The following SCARA5 variants were observed in gnomAD, a reference collection of about 807,000 sequenced individuals.
The protein encoded by SCARA5 is scavenger receptor class A, member 5 (putative).
Under a neutral mutation model 46.3 loss-of-function variants are expected in SCARA5, and 45 were observed. The observed-to-expected ratio is 0.97, with a 90% CI of 0.76 to 1.24. The LOEUF (loss-of-function observed/expected upper bound fraction) is 1.24, where lower values mean the gene tolerates loss of function less well. SCARA5 is among the 50% of genes most tolerant of loss of function. The pLI, the probability that SCARA5 is intolerant of heterozygous loss-of-function variation, is 0.00. For synonymous variants in SCARA5, 333 were observed against 306.5 expected (o/e 1.09, Z -0.90); for missense variants, 680 against 689.0 (o/e 0.99, Z 0.15).
chr8:27,885,763 G>A (rs972720790), intron 7 of SCARA5, among the ~76,000 whole-genome samples: 6 of 152,150 alleles, frequency 3.9e-5, no homozygotes, highest in South Asian at 2.1e-4. Flanking sequence ...TACAATGACC[G>A]TACATCTCAA....
At chr8:27,889,563 C>A (rs948638605) in intron 7 of SCARA5, among the ~76,000 whole-genome samples, 5 of 152,196 alleles carry the variant, frequency 3.3e-5, no homozygotes, top group African/African-American at 7.2e-5. Flanking sequence ...CCTTTCTTTC[C>A]CAGAATCCTT....
intron 3 of SCARA5, among the ~76,000 whole-genome samples, chr8:27,924,964 A>G (rs933427494): frequency 1.3e-5 from 2 of 152,216 alleles, no homozygotes; most frequent in Admixed American, 6.5e-5. Context: ...AGAACTGCAA[A>G]CCACTGCTCA....
At chr8:27,975,159 G>A (rs1184251801) in intron 2 of SCARA5, among the ~76,000 whole-genome samples, 2 of 152,104 alleles carry the variant, frequency 1.3e-5, no homozygotes, top group African/African-American at 2.4e-5. Context: ...AATCAATCAT[G>A]CCTACATAAT....
chr8:27,890,419 A>T (rs1806962861), intron 7 of SCARA5, among the ~76,000 whole-genome samples: 1 of 152,224 alleles, frequency 6.6e-6, no homozygotes, highest in African/African-American at 2.4e-5. Flanking sequence ...AAGCACATAT[A>T]CTATTTTCCC....
intron 3 of SCARA5, among the ~76,000 whole-genome samples, chr8:27,958,538 G>T (rs182541369): frequency 2.6e-5 from 4 of 152,216 alleles, no homozygotes; most frequent in Non-Finnish European, 5.9e-5. Flanking sequence ...ATGTCCTCTC[G>T]GGAACTGCAC....
At chr8:27,924,211 G>A (rs1209352704) in intron 3 of SCARA5, among the ~76,000 whole-genome samples, 2 of 152,166 alleles carry the variant, frequency 1.3e-5, no homozygotes, top group African/African-American at 4.8e-5. Flanking sequence ...GGTAGGAGGT[G>A]GGGGCAGATG....
intron 2 of SCARA5, among the ~76,000 whole-genome samples, chr8:27,972,535 T>C (rs964519809): frequency 4.6e-5 from 7 of 152,160 alleles, no homozygotes; most frequent in Non-Finnish European, 8.8e-5. Context: ...AAATTTCATT[T>C]ATAGAGAAGA....
intron 7 of SCARA5, among the ~76,000 whole-genome samples, chr8:27,888,022 CT>C (rs902797849): frequency 2.0e-5 from 3 of 152,060 alleles, no homozygotes; most frequent in Non-Finnish European, 4.4e-5. Flanking sequence ...GCATATAGAC[CT>C]CAAATGAGGG....
intron 3 of SCARA5, among the ~76,000 whole-genome samples, chr8:27,932,285 A>G (rs1439234280): frequency 6.6e-6 from 1 of 152,128 alleles, no homozygotes; most frequent in Non-Finnish European, 1.5e-5. Flanking sequence ...CAGCCTGAGA[A>G]CCTTGCATTT....
intron 3 of SCARA5, among the ~76,000 whole-genome samples, chr8:27,945,423 T>C: frequency 6.6e-6 from 1 of 152,346 alleles, no homozygotes; most frequent in Admixed American, 6.5e-5. Context: ...TCCATATTAA[T>C]TGACCAGGTC....
intron 3 of SCARA5, among the ~76,000 whole-genome samples, chr8:27,942,808 T>C (rs1211890479): frequency 6.6e-6 from 1 of 152,228 alleles, no homozygotes; most frequent in East Asian, 1.9e-4. Flanking sequence ...TGCTTCTTAA[T>C]GCTGAAGCCT....
intron 3 of SCARA5, among the ~76,000 whole-genome samples, chr8:27,953,455 A>C (rs888517942): frequency 6.6e-6 from 1 of 152,242 alleles, no homozygotes; most frequent in Non-Finnish European, 1.5e-5. Flanking sequence ...GATTCAGTTT[A>C]AACAATGATG....
chr8:27,899,281 G>A (rs1807113205), intron 7 of SCARA5, among the ~76,000 whole-genome samples: 1 of 152,198 alleles, frequency 6.6e-6, no homozygotes, highest in South Asian at 2.1e-4. Context: ...CTGGGGTTGG[G>A]GCATTGGTCA....
rs778068224 is a variant in SCARA5 at position 27,904,794 on chromosome 8, G to A, written c.1137C>T (p.Asp379=). ...GPKGEKGEKG[D]RAGDASGVEA... is the part of the protein sequence containing the mutation. ...TGTCCTTACTGGCATCCCCAGCTCT[G>A]TCTCCTTTCTCTCCTTTCTCTCCTT... Residue 379 remains aspartate (D), a synonymous_variant, in exon 7 of 9, where the codon GAC becomes GAT. Coordinates refer to ENST00000354914, the MANE Select transcript of SCARA5 (RefSeq NM_173833.6). 2 of 1,613,896 alleles carry A rather than the reference G, an allele frequency of 1.2e-6. No individual in the cohort carries two copies. The highest frequency in any genetic ancestry group is 1.7e-6 in the Non-Finnish European group (2 of 1,179,858).
chr8:27,980,501 G>A (rs1808596391), intron 2 of SCARA5, among the ~76,000 whole-genome samples: 1 of 152,180 alleles, frequency 6.6e-6, no homozygotes, highest in African/African-American at 2.4e-5. Context: ...TGCCACACAG[G>A]AGATGGCATG....
chr8:27,990,842 T>A (rs1808777494), intron 1 of SCARA5, among the ~76,000 whole-genome samples: 1 of 152,208 alleles, frequency 6.6e-6, no homozygotes, highest in Non-Finnish European at 1.5e-5. Flanking sequence ...GGACCTCAAC[T>A]TGCAACTCAA....
At chr8:27,957,284 C>T (rs1481519984) in intron 3 of SCARA5, among the ~76,000 whole-genome samples, 2 of 152,178 alleles carry the variant, frequency 1.3e-5, no homozygotes, top group Admixed American at 1.3e-4. Flanking sequence ...TCTTGATATT[C>T]GAAGCTGAAT....
In SCARA5 at chr8:27,979,813, G is replaced by A. The variant is rs145232015; in HGVS notation, c.112+7691C>T. Among the ~76,000 whole-genome samples, 1,361 of 152,112 alleles carry A rather than the reference G, an allele frequency of 8.9e-3. 23 individuals carry two copies. The highest frequency in any genetic ancestry group is 0.031 in the African/African-American group (1,288 of 41,484). ...TGAGTTCAGGCAATCCACCCGCCTCGGCCTCCCAAAGTGCCAGAATTACAG... is the reference window on the plus strand; with the variant it reads ...TGAGTTCAGGCAATCCACCCGCCTCAGCCTCCCAAAGTGCCAGAATTACAG... On this transcript the variant is annotated intron_variant, in intron 2 of 8. Coordinates refer to ENST00000354914, the MANE Select transcript of SCARA5 (RefSeq NM_173833.6).
chr8:27,985,692 G>C (rs555614650), intron 2 of SCARA5, among the ~76,000 whole-genome samples: 2 of 152,220 alleles, frequency 1.3e-5, no homozygotes, highest in East Asian at 3.9e-4. Context: ...AGTACACTGA[G>C]GCCCACAGAG....
Sources: allele counts gnomAD v4.1 joint callset (sites outside exome capture counted in the v4.1 genomes callset), GRCh38; gene constraint gnomAD v4.1.1; transcripts MANE v1.5; gene names NCBI Gene and HGNC (gene_info 2026-07-23, HGNC 2026-07-21).